The following NRXN1 variants were observed in gnomAD, a reference collection of about 807,000 sequenced individuals.
NRXN1 encodes the protein neurexin 1, also known as neurexin-1.
NRXN1 carries 39 observed loss-of-function variants against 150.9 expected under a neutral mutation model. The observed-to-expected ratio is 0.26, with a 90% confidence interval of 0.20 to 0.34. The LOEUF (loss-of-function observed/expected upper bound fraction) is 0.34. Ranked by LOEUF, NRXN1 falls within the 10% of genes least tolerant of loss-of-function variation. NRXN1 has a pLI of 1.00. For missense variants in NRXN1, 1,815 were observed against 1,949.9 expected, an observed-to-expected ratio of 0.93 and a Z score of 1.30; for synonymous variants, 924 against 757.0, an observed-to-expected ratio of 1.22 and a Z score of -3.62.
intron 18 of NRXN1, among the ~76,000 whole-genome samples, chr2:50,204,769 A>G (rs2062442522): frequency 6.6e-6 from 1 of 152,144 alleles, no homozygotes; most frequent in African/African-American, 2.4e-5. Context: ...AGACACACTC[A>G]GGAGCCAAAA....
At chr2:50,125,685 G>A (rs1344953955) in intron 18 of NRXN1, among the ~76,000 whole-genome samples, 1 of 152,056 alleles carries the variant, frequency 6.6e-6, no homozygotes, top group Non-Finnish European at 1.5e-5. Context: ...TTTGTATGCT[G>A]ATCTTGGGAC....
intron 8 of NRXN1, among the ~76,000 whole-genome samples, chr2:50,604,170 A>G (rs763921273): frequency 1.3e-5 from 2 of 152,194 alleles, no homozygotes; most frequent in Admixed American, 6.5e-5. Flanking sequence ...TGCTGATTCT[A>G]TGCAGAGTTT....
chr2:50,428,615 C>T lies in NRXN1; in HGVS notation c.3364+36827G>A, dbSNP rs920721132. On this transcript the variant is annotated intron_variant, in intron 17 of 22. Coordinates refer to ENST00000401669, the MANE Select transcript of NRXN1 (RefSeq NM_001330078.2). ...AGAAGACATACCTTATGATTAGAGG[C>T]GGGACGGGGAAGTGGGAGAGCAAGG... 4.6e-5 allele frequency among the ~76,000 whole-genome samples: 7 copies of T among 152,192 alleles called. No homozygotes were observed. The East Asian group carries it at 5.8e-4, about 13-fold the overall frequency.
chr2:50,351,682 T>C (rs1202304727), intron 17 of NRXN1, among the ~76,000 whole-genome samples: 3 of 152,140 alleles, frequency 2.0e-5, no homozygotes, highest in African/African-American at 7.2e-5. Context: ...TCTAGCACAC[T>C]ACTCTGAGTG....
At chr2:50,126,760 C>A (rs1442840752) in intron 18 of NRXN1, among the ~76,000 whole-genome samples, 2 of 152,052 alleles carry the variant, frequency 1.3e-5, no homozygotes, top group Non-Finnish European at 2.9e-5. Context: ...AGAAAAACCC[C>A]TAGATTAGTT....
intron 18 of NRXN1, among the ~76,000 whole-genome samples, chr2:50,137,767 T>C (rs1056315098): frequency 1.2e-4 from 19 of 152,320 alleles, no homozygotes; most frequent in Admixed American, 7.8e-4. Flanking sequence ...TATGGTAGGA[T>C]GTTTGTGAAA....
At chr2:50,697,101 CAGA>C (rs1446923466) in intron 5 of NRXN1, among the ~76,000 whole-genome samples, 1 of 151,978 alleles carries the variant, frequency 6.6e-6, no homozygotes, top group Non-Finnish European at 1.5e-5. Flanking sequence ...TCTCAACAAC[CAGA>C]AGACAAAGAT....
intron 18 of NRXN1, among the ~76,000 whole-genome samples, chr2:50,167,860 G>T (rs1004657139): frequency 6.6e-6 from 1 of 152,134 alleles, no homozygotes; most frequent in African/African-American, 2.4e-5. Flanking sequence ...TATGGTCCAG[G>T]ATTACATGCA....
chr2:50,522,461 A>G (rs2092814482), intron 12 of NRXN1, among the ~76,000 whole-genome samples: 1 of 152,164 alleles, frequency 6.6e-6, no homozygotes, highest in South Asian at 2.1e-4. Flanking sequence ...TGGTTTCAAC[A>G]TGCATTCTTA....
intron 5 of NRXN1, among the ~76,000 whole-genome samples, chr2:50,883,421 C>CAT (rs555722451): frequency 0.015 from 2,161 of 144,026 alleles, 142 homozygotes; most frequent in Admixed American, 0.12. Flanking sequence ...ACATTTACAT[C>CAT]TTTTTTTTTT....
intron 10 of NRXN1, among the ~76,000 whole-genome samples, chr2:50,535,637 G>A (rs1299406913): frequency 2.0e-5 from 3 of 152,140 alleles, no homozygotes; most frequent in African/African-American, 7.2e-5. Context: ...AGAAGGGAAG[G>A]CGCTAAATTT....
intron 16 of NRXN1, among the ~76,000 whole-genome samples, chr2:50,470,756 T>C (rs1356159728): frequency 3.3e-5 from 5 of 151,840 alleles, no homozygotes; most frequent in African/African-American, 1.2e-4. Flanking sequence ...AAATTCATGA[T>C]AATGTGATTA....
intron 18 of NRXN1, among the ~76,000 whole-genome samples, chr2:50,156,748 C>T (rs2059044872): frequency 6.6e-6 from 1 of 151,824 alleles, no homozygotes; most frequent in African/African-American, 2.4e-5. Flanking sequence ...CTATCAAATC[C>T]TACCCTTTTC....
intron 5 of NRXN1, among the ~76,000 whole-genome samples, chr2:50,902,458 A>G (rs1283792874): frequency 2.0e-5 from 3 of 152,194 alleles, no homozygotes; most frequent in Non-Finnish European, 4.4e-5. Context: ...GATTTTCATA[A>G]CTCTAAACCA....
chr2:50,195,253 G>A (rs1406439846), intron 18 of NRXN1, among the ~76,000 whole-genome samples: 2 of 152,142 alleles, frequency 1.3e-5, no homozygotes, highest in Admixed American at 6.6e-5. Flanking sequence ...GGGTCCAAGC[G>A]AACCTCATCA....
chr2:50,867,994 G>C lies in NRXN1; in HGVS notation c.832+53875C>G, dbSNP rs1677178152. The stretch of plus-strand genomic sequence containing the variant: ...TGAACTGTAGAAGAAATATAATTAA[G>C]TGGATTCATTACTATTTCTTTTAAT... On this transcript the variant is annotated intron_variant, in intron 5 of 22. Transcript: ENST00000401669. Among the ~76,000 whole-genome samples the C allele has an allele frequency of 5.3e-5, 8 of 151,358 alleles. 2 individuals are homozygous for C. The South Asian group carries it at 1.7e-3, about 31-fold the overall frequency.
At chr2:50,282,394 T>A (rs1242632450) in intron 17 of NRXN1, among the ~76,000 whole-genome samples, 1 of 152,176 alleles carries the variant, frequency 6.6e-6, no homozygotes, top group Non-Finnish European at 1.5e-5. Flanking sequence ...CAATACAAGT[T>A]GGAATTGTGC....
intron 5 of NRXN1, among the ~76,000 whole-genome samples, chr2:50,831,043 T>C (rs1040387075): frequency 8.5e-5 from 13 of 152,208 alleles, no homozygotes; most frequent in Non-Finnish European, 1.2e-4. Context: ...AAGCACATCA[T>C]GGAAAATGGG....
chr2:50,830,562 C>A (rs1671268799), intron 5 of NRXN1, among the ~76,000 whole-genome samples: 2 of 151,410 alleles, frequency 1.3e-5, no homozygotes, highest in Non-Finnish European at 2.9e-5. Flanking sequence ...TTCTTCTGAG[C>A]CCTGAAACAC....
Sources: gnomAD v4.1 joint callset for allele counts (sites outside exome capture counted in the v4.1 genomes callset) on GRCh38, gnomAD v4.1.1 for gene constraint, MANE v1.5 for transcripts, NCBI Gene and HGNC (gene_info 2026-07-23, HGNC 2026-07-21) for gene names.